Variants in NTM observed in about 807,000 individuals in gnomAD.
NTM encodes neurotrimin.
Under a neutral mutation model 42.1 loss-of-function variants are expected in NTM, and 13 were observed. That is an observed-to-expected ratio of 0.31 (90% CI 0.20 to 0.49). The LOEUF (loss-of-function observed/expected upper bound fraction) is 0.49. Ranked by LOEUF, NTM falls within the 20% of genes least tolerant of loss-of-function variation. NTM has a pLI of 0.99. For missense variants in NTM, 373 were observed against 452.8 expected, an observed-to-expected ratio of 0.82 and a Z score of 1.60; for synonymous variants, 187 against 179.2, an observed-to-expected ratio of 1.04 and a Z score of -0.35.
At chr11:131,514,264 T>C (rs998763757) in intron 1 of NTM, among the ~76,000 whole-genome samples, 2 of 152,192 alleles carry the variant, frequency 1.3e-5, no homozygotes, top group Non-Finnish European at 2.9e-5. Flanking sequence ...TCAAGTTCCT[T>C]ATCTGTAAAT....
At chr11:131,678,051 A>C (rs866640079) in intron 1 of NTM, among the ~76,000 whole-genome samples, 11 of 152,150 alleles carry the variant, frequency 7.2e-5, no homozygotes, top group African/African-American at 2.4e-4. Flanking sequence ...TTATTTATTT[A>C]CTGACTTGAT....
intron 2 of NTM, among the ~76,000 whole-genome samples, chr11:131,964,373 T>C (rs1565837462): frequency 6.6e-6 from 1 of 152,196 alleles, no homozygotes; most frequent in East Asian, 1.9e-4. Flanking sequence ...TTAACTAAAA[T>C]ATGCAACACT....
intron 1 of NTM, among the ~76,000 whole-genome samples, chr11:131,777,404 C>T (rs1485721378): frequency 1.3e-5 from 2 of 151,198 alleles, no homozygotes; most frequent in African/African-American, 2.4e-5. Flanking sequence ...ACATAAACCA[C>T]GTGTTTCTCT....
chr11:132,134,705 G>GTATATA (rs57297229), intron 2 of NTM, among the ~76,000 whole-genome samples: 13 of 75,948 alleles, frequency 1.7e-4, no homozygotes, highest in Non-Finnish European at 2.0e-4. Context: ...GTATTCCATG[G>GTATATA]TATATATATA....
At chr11:132,144,921 G>A (rs150968286) in intron 2 of NTM, among the ~76,000 whole-genome samples, 300 of 152,332 alleles carry the variant, frequency 2.0e-3, no homozygotes, top group African/African-American at 6.9e-3. Context: ...CTTACATAAT[G>A]TTGAGACATT....
At chr11:131,376,794 C>T (rs1237614634) in intron 1 of NTM, among the ~76,000 whole-genome samples, 2 of 151,792 alleles carry the variant, frequency 1.3e-5, no homozygotes, top group Admixed American at 1.3e-4. Flanking sequence ...GCTTCCTTTG[C>T]TCATCTTGGA....
chr11:131,966,627 G>C (rs2062863945), intron 2 of NTM, among the ~76,000 whole-genome samples: 1 of 152,206 alleles, frequency 6.6e-6, no homozygotes, highest in Non-Finnish European at 1.5e-5. Context: ...GAAGACAGAA[G>C]TGGACCTGGA....
intron 1 of NTM, among the ~76,000 whole-genome samples, chr11:131,435,999 G>A (rs1050572374): frequency 4.6e-5 from 7 of 152,242 alleles, no homozygotes; most frequent in East Asian, 3.9e-4. Context: ...AGCATGAAGG[G>A]CTGTTCAATT....
intron 1 of NTM, among the ~76,000 whole-genome samples, chr11:131,549,890 G>A (rs990923345): frequency 3.9e-5 from 6 of 152,164 alleles, no homozygotes; most frequent in African/African-American, 7.2e-5. Context: ...ACCACGATTC[G>A]AGGTGATGTC....
At chr11:131,781,815 C>T (rs1436158977) in intron 1 of NTM, among the ~76,000 whole-genome samples, 3 of 152,210 alleles carry the variant, frequency 2.0e-5, no homozygotes, top group Non-Finnish European at 4.4e-5. Flanking sequence ...TAGATGCACT[C>T]TCTGGAAGCT....
At chr11:131,664,292 A>T (rs1412425918) in intron 1 of NTM, among the ~76,000 whole-genome samples, 1 of 152,240 alleles carries the variant, frequency 6.6e-6, no homozygotes. Context: ...TTAACCAGAG[A>T]CCAAGTACCT....
At chr11:132,265,009 G>A (rs1384855579) in intron 4 of NTM, among the ~76,000 whole-genome samples, 1 of 152,144 alleles carries the variant, frequency 6.6e-6, no homozygotes, top group Non-Finnish European at 1.5e-5. Context: ...TATGAATTTG[G>A]GGATGAAGGT....
chr11:131,902,484 C>G (rs751913776), intron 1 of NTM, among the ~76,000 whole-genome samples: 11 of 152,156 alleles, frequency 7.2e-5, no homozygotes, highest in Non-Finnish European at 1.5e-4. Flanking sequence ...TTAGAGTGAA[C>G]GATTTTAGTC....
intron 4 of NTM, among the ~76,000 whole-genome samples, chr11:132,270,024 T>G (rs2139673503): frequency 6.6e-6 from 1 of 152,290 alleles, no homozygotes; most frequent in Middle Eastern, 3.4e-3. Context: ...CTCTTTACAT[T>G]TCTTTAGTCA....
chr11:132,169,610 AG>A (rs765911569), intron 3 of NTM, among the ~76,000 whole-genome samples: 16 of 151,882 alleles, frequency 1.1e-4, no homozygotes, highest in Non-Finnish European at 1.8e-4. Context: ...CTGGGATTAC[AG>A]GCGTGAACCA....
chr11:132,047,949 G>A (rs1170431014), intron 2 of NTM, among the ~76,000 whole-genome samples: 1 of 151,970 alleles, frequency 6.6e-6, no homozygotes, highest in African/African-American at 2.4e-5. Flanking sequence ...AATCCCTAAT[G>A]CCCTCACTTT....
chr11:131,623,781 A>G (rs1342670805), intron 1 of NTM, among the ~76,000 whole-genome samples: 3 of 152,236 alleles, frequency 2.0e-5, no homozygotes, highest in African/African-American at 4.8e-5. Context: ...CCCAATGTGT[A>G]GGCTGGGAAT....
At chr11:132,265,087 A>G (rs772278503) in intron 4 of NTM, among the ~76,000 whole-genome samples, 3 of 152,218 alleles carry the variant, frequency 2.0e-5, no homozygotes, top group Non-Finnish European at 2.9e-5. Flanking sequence ...GATTAGCTGC[A>G]TGTGTACCAG....
At chr11:131,826,653 G>A (rs10894456) in intron 1 of NTM, among the ~76,000 whole-genome samples, 84,936 of 150,814 alleles carry the variant, frequency 0.56, 25,771 homozygotes, top group East Asian at 0.87. Context: ...GCCAGGAGTG[G>A]GAGGGCTGGG....
Sources: allele counts gnomAD v4.1 joint callset (sites outside exome capture counted in the v4.1 genomes callset), GRCh38; gene constraint gnomAD v4.1.1; transcripts MANE v1.5; gene names NCBI Gene and HGNC (gene_info 2026-07-23, HGNC 2026-07-21).